The following NRXN1 variants were observed in gnomAD, a reference collection of about 807,000 sequenced individuals.
The protein encoded by NRXN1 is neurexin-1.
In NRXN1, 39 loss-of-function variants were observed where a neutral mutation model predicts 150.9. The ratio of observed to expected loss-of-function variants is 0.26; its 90% CI spans 0.20 to 0.34. NRXN1 has a LOEUF of 0.34. Ranked by LOEUF, NRXN1 falls within the 10% of genes least tolerant of loss-of-function variation. NRXN1 has a pLI of 1.00. For synonymous variants in NRXN1, 924 were observed against 757.0 expected, an observed-to-expected ratio of 1.22 and a Z score of -3.62; for missense variants, 1,815 against 1,949.9, an observed-to-expected ratio of 0.93 and a Z score of 1.30.
At chr2:50,745,575 T>C (rs1699925572) in intron 5 of NRXN1, among the ~76,000 whole-genome samples, 1 of 152,072 alleles carries the variant, frequency 6.6e-6, no homozygotes, top group Non-Finnish European at 1.5e-5. Context: ...ATGCTGCTGA[T>C]AAAGACATAA....
intron 2 of NRXN1, among the ~76,000 whole-genome samples, chr2:50,991,427 G>C (rs560397852): frequency 8.2e-4 from 124 of 151,976 alleles, no homozygotes; most frequent in Non-Finnish European, 1.3e-3. Flanking sequence ...GCTGGTTTTA[G>C]CAAGAAGCCC....
At chr2:50,812,466 T>C (rs59921100) in intron 5 of NRXN1, among the ~76,000 whole-genome samples, 14,256 of 152,116 alleles carry the variant, frequency 0.094, 774 homozygotes, top group Admixed American at 0.14. Context: ...GAGATTTTGG[T>C]TTTAAGAAAT....
intron 19 of NRXN1, among the ~76,000 whole-genome samples, chr2:50,070,685 G>A (rs1020538096): frequency 2.0e-5 from 3 of 150,724 alleles, no homozygotes; most frequent in African/African-American, 7.3e-5. Context: ...CAGGAGAATG[G>A]CGTGAACCCG....
intron 5 of NRXN1, among the ~76,000 whole-genome samples, chr2:50,724,536 T>C (rs1697075713): frequency 6.6e-6 from 1 of 152,156 alleles, no homozygotes; most frequent in Non-Finnish European, 1.5e-5. Context: ...AATGAATAAA[T>C]AAATGCACTT....
chr2:50,187,576 C>CT (rs1341706882), intron 18 of NRXN1, among the ~76,000 whole-genome samples: 1 of 151,964 alleles, frequency 6.6e-6, no homozygotes, highest in Non-Finnish European at 1.5e-5. Flanking sequence ...ATAAGGAGCT[C>CT]TTTTTTGGAT....
rs930212983 is a variant in NRXN1 at position 50,885,556 on chromosome 2, G to T, written c.832+36313C>A. 3.3e-5 allele frequency among the ~76,000 whole-genome samples: 5 copies of T among 151,242 alleles called. 1 individual carries two copies. Among genetic ancestry groups the T allele is most frequent in the African/African-American group, 1.2e-4 (5 of 41,390 alleles). ...ACAACTTCCAAAATGAAATTTTCTTGGTCTCAAAGCACACAAAACTCTGAC... is the reference window on the plus strand; with the variant it reads ...ACAACTTCCAAAATGAAATTTTCTTTGTCTCAAAGCACACAAAACTCTGAC... On this transcript the variant is annotated intron_variant, in intron 5 of 22. Coordinates refer to ENST00000401669, the MANE Select transcript of NRXN1 (RefSeq NM_001330078.2).
chr2:50,738,174 T>C (rs1698998201), intron 5 of NRXN1, among the ~76,000 whole-genome samples: 1 of 152,212 alleles, frequency 6.6e-6, no homozygotes, highest in African/African-American at 2.4e-5. Context: ...TCAGTGAAAC[T>C]GCTGGTTTTA....
chr2:50,071,506 G>A (rs1696292188), intron 19 of NRXN1, among the ~76,000 whole-genome samples: 1 of 152,166 alleles, frequency 6.6e-6, no homozygotes, highest in African/African-American at 2.4e-5. Flanking sequence ...CACAAGGGAT[G>A]CACAGGCATA....
chr2:50,614,955 G>A (rs547635839), intron 8 of NRXN1, among the ~76,000 whole-genome samples: 2 of 152,178 alleles, frequency 1.3e-5, no homozygotes, highest in South Asian at 4.1e-4. Flanking sequence ...TATGGCAGAG[G>A]AGATCACACA....
intron 17 of NRXN1, among the ~76,000 whole-genome samples, chr2:50,308,289 C>A (rs943432739): frequency 1.3e-5 from 2 of 151,982 alleles, no homozygotes; most frequent in Admixed American, 6.6e-5. Context: ...TGCTAACTAC[C>A]TTTCTACTGT....
chr2:50,667,391 TAATATTG>T (rs1362707340), intron 5 of NRXN1, among the ~76,000 whole-genome samples: 2 of 151,958 alleles, frequency 1.3e-5, no homozygotes, highest in African/African-American at 4.8e-5. Flanking sequence ...TAGAAGGACA[TAATATTG>T]GTTACACATG....
chr2:51,007,735 A>C (rs894243421), intron 2 of NRXN1, among the ~76,000 whole-genome samples: 1 of 151,922 alleles, frequency 6.6e-6, no homozygotes, highest in Non-Finnish European at 1.5e-5. Flanking sequence ...ATTATCACCA[A>C]AGATATTTAG....
intron 2 of NRXN1, among the ~76,000 whole-genome samples, chr2:50,953,813 G>A (rs866057797): frequency 7.2e-5 from 11 of 151,872 alleles, no homozygotes; most frequent in Non-Finnish European, 5.9e-5. Context: ...CACCTGCCTC[G>A]GTCTCCCAAA....
At chr2:50,694,085 G>A (rs1692458808) in intron 5 of NRXN1, among the ~76,000 whole-genome samples, 1 of 152,156 alleles carries the variant, frequency 6.6e-6, no homozygotes, top group Non-Finnish European at 1.5e-5. Context: ...GAGCTACCAC[G>A]TCCAGCCCAT....
intron 5 of NRXN1, among the ~76,000 whole-genome samples, chr2:50,730,484 A>G (rs1041622034): frequency 2.0e-5 from 3 of 152,120 alleles, no homozygotes; most frequent in African/African-American, 4.8e-5. Context: ...TGAGAGGATC[A>G]GAGCTCTTTC....
intron 8 of NRXN1, among the ~76,000 whole-genome samples, chr2:50,612,141 G>T (rs904052277): frequency 1.3e-5 from 2 of 152,070 alleles, no homozygotes; most frequent in Admixed American, 6.6e-5. Flanking sequence ...GCTTAGTTTT[G>T]TTACTTACTA....
chr2:50,804,290 G>C (rs1281783589), intron 5 of NRXN1, among the ~76,000 whole-genome samples: 1 of 152,136 alleles, frequency 6.6e-6, no homozygotes, highest in Non-Finnish European at 1.5e-5. Context: ...GCAAAGGCGA[G>C]TTTAAAATAA....
At chr2:49,943,967 G>A (rs1042896710) in intron 21 of NRXN1, among the ~76,000 whole-genome samples, 176 bp from the exon 22 acceptor site, 4 of 152,206 alleles carry the variant, frequency 2.6e-5, no homozygotes, top group Admixed American at 6.5e-5. Flanking sequence ...CTGCCTATTT[G>A]TGAAAACTTG....
intron 17 of NRXN1, among the ~76,000 whole-genome samples, chr2:50,433,768 G>C: frequency 6.6e-6 from 1 of 151,658 alleles, no homozygotes. Context: ...GAGAAAGGGA[G>C]AGGGGAAAGG....
Sources: gnomAD v4.1 joint callset for allele counts (sites outside exome capture counted in the v4.1 genomes callset) on GRCh38, gnomAD v4.1.1 for gene constraint, MANE v1.5 for transcripts, NCBI Gene and HGNC (gene_info 2026-07-23, HGNC 2026-07-21) for gene names.